The following OTUD7A variants were observed in gnomAD, a reference collection of about 807,000 sequenced individuals.
OTUD7A encodes the protein OTU deubiquitinase 7A.
OTUD7A carries 12 observed loss-of-function variants against 65.7 expected under a neutral mutation model. The ratio of observed to expected loss-of-function variants is 0.18; its 90% CI spans 0.12 to 0.30. OTUD7A has a LOEUF of 0.30. Ranked by LOEUF, OTUD7A falls within the 10% of genes least tolerant of loss-of-function variation. OTUD7A has a pLI of 1.00. For missense variants in OTUD7A, 1,148 were observed against 1,304.8 expected, an observed-to-expected ratio of 0.88 and a Z score of 1.85; for synonymous variants, 641 against 586.3, an observed-to-expected ratio of 1.09 and a Z score of -1.35.
At chr15:31,646,224 T>C (rs1891658953) in intron 3 of OTUD7A, among the ~76,000 whole-genome samples, 1 of 151,930 alleles carries the variant, frequency 6.6e-6, no homozygotes, top group Admixed American at 6.5e-5. Context: ...GGGAATGGCA[T>C]GGAATTCCTG....
intron 1 of OTUD7A, among the ~76,000 whole-genome samples, chr15:31,824,743 A>G (rs2140976395): frequency 6.6e-6 from 1 of 152,300 alleles, no homozygotes; most frequent in South Asian, 2.1e-4. Context: ...ACATACTTTC[A>G]CTGTAATTCA....
intron 3 of OTUD7A, among the ~76,000 whole-genome samples, chr15:31,633,265 C>T (rs1250727224): frequency 6.6e-6 from 1 of 152,114 alleles, no homozygotes; most frequent in Admixed American, 6.5e-5. Flanking sequence ...CATCTTGGCT[C>T]CACCCCCCTG....
chr15:31,741,416 G>A (rs960155543), intron 1 of OTUD7A, among the ~76,000 whole-genome samples: 2 of 147,164 alleles, frequency 1.4e-5, no homozygotes, highest in African/African-American at 2.7e-5. Flanking sequence ...TGCCATGTTG[G>A]TTTGCTGCAC....
chr15:31,850,844 C>T (rs909560222), intron 1 of OTUD7A, among the ~76,000 whole-genome samples: 1 of 152,120 alleles, frequency 6.6e-6, no homozygotes, highest in African/African-American at 2.4e-5. Flanking sequence ...ACCTCATTGG[C>T]CAGGCACATC....
At chr15:31,701,074 C>T (rs1312229097) in intron 1 of OTUD7A, among the ~76,000 whole-genome samples, 32 of 152,186 alleles carry the variant, frequency 2.1e-4, no homozygotes, top group Admixed American at 2.1e-3. Flanking sequence ...CAGTTCTCTT[C>T]AAAAGTATAA....
chr15:31,794,644 A>G (rs920650570), intron 1 of OTUD7A, among the ~76,000 whole-genome samples: 2 of 151,824 alleles, frequency 1.3e-5, no homozygotes, highest in Admixed American at 6.6e-5. Context: ...AAAAAAAAAA[A>G]AAATCCTAAC....
intron 1 of OTUD7A, among the ~76,000 whole-genome samples, chr15:31,841,660 C>G (rs1247249202): frequency 2.6e-5 from 4 of 152,204 alleles, no homozygotes; most frequent in Non-Finnish European, 5.9e-5. Flanking sequence ...AAGACCAGTA[C>G]TCCTCTCTCA....
At chr15:31,746,578 C>T (rs1047206007) in intron 1 of OTUD7A, among the ~76,000 whole-genome samples, 2 of 150,602 alleles carry the variant, frequency 1.3e-5, no homozygotes, top group Non-Finnish European at 2.9e-5. Flanking sequence ...CTCCCTGCAA[C>T]CTCCACCTCC....
At chr15:31,793,203 C>A (rs554857678) in intron 1 of OTUD7A, among the ~76,000 whole-genome samples, 1 of 152,194 alleles carries the variant, frequency 6.6e-6, no homozygotes, top group Non-Finnish European at 1.5e-5. Flanking sequence ...GCTCTTCCTG[C>A]CCCTGCCTGC....
At chr15:31,798,932 C>T (rs989271698) in intron 1 of OTUD7A, among the ~76,000 whole-genome samples, 2 of 152,200 alleles carry the variant, frequency 1.3e-5, no homozygotes, top group Non-Finnish European at 2.9e-5. Context: ...CTCTCAAGAT[C>T]ACCACTTTCA....
chr15:31,725,130 C>G (rs1025082456), intron 1 of OTUD7A, among the ~76,000 whole-genome samples: 1 of 152,172 alleles, frequency 6.6e-6, no homozygotes, highest in Non-Finnish European at 1.5e-5. Context: ...GCTGAGAAAG[C>G]TGCGAGCTTG....
intron 5 of OTUD7A, among the ~76,000 whole-genome samples, chr15:31,551,070 A>C (rs1313295482): frequency 6.6e-6 from 1 of 151,834 alleles, no homozygotes; most frequent in East Asian, 1.9e-4. Context: ...GGCAAGGCTT[A>C]GTGGTTTGAT....
intron 1 of OTUD7A, among the ~76,000 whole-genome samples, chr15:31,694,417 C>T (rs1237746552): frequency 1.3e-5 from 2 of 152,196 alleles, no homozygotes; most frequent in East Asian, 1.9e-4. Context: ...CCCCTTCCCC[C>T]GGGAAACCTT....
chr15:31,828,455 G>A (rs922657348), intron 1 of OTUD7A, among the ~76,000 whole-genome samples: 3 of 152,108 alleles, frequency 2.0e-5, no homozygotes, highest in African/African-American at 7.2e-5. Context: ...TTTCTTTGTG[G>A]TGGGAACACA....
At chr15:31,828,278 T>A (rs569724401) in intron 1 of OTUD7A, among the ~76,000 whole-genome samples, 1 of 152,198 alleles carries the variant, frequency 6.6e-6, no homozygotes, top group Non-Finnish European at 1.5e-5. Flanking sequence ...CATTTGCTTA[T>A]GTCTTTTTTT....
chr15:31,638,639 G>A (rs78824726), intron 3 of OTUD7A, among the ~76,000 whole-genome samples: 9 of 150,924 alleles, frequency 6.0e-5, no homozygotes, highest in African/African-American at 1.2e-4. Flanking sequence ...CAAGCTATCC[G>A]TCCTCCTTGG....
intron 3 of OTUD7A, among the ~76,000 whole-genome samples, chr15:31,586,860 C>T (rs1472309188): frequency 6.6e-6 from 1 of 151,992 alleles, no homozygotes; most frequent in African/African-American, 2.4e-5. Flanking sequence ...GCTGGGTCTC[C>T]CCTGCTGGGT....
intron 1 of OTUD7A, chr15:31,767,913 T>C (rs1895131858): frequency 6.6e-7 from 1 of 1,516,964 alleles, no homozygotes; most frequent in East Asian, 2.3e-5. Flanking sequence ...AGCTGGTTGT[T>C]ATCATCAACA....
intron 1 of OTUD7A, among the ~76,000 whole-genome samples, chr15:31,853,384 A>G (rs889045140): frequency 6.6e-6 from 1 of 152,238 alleles, no homozygotes. Context: ...AGAAAACTAG[A>G]AAGAGAAATA....
Sources: gnomAD v4.1 joint callset for allele counts (sites outside exome capture counted in the v4.1 genomes callset) on GRCh38, gnomAD v4.1.1 for gene constraint, MANE v1.5 for transcripts, NCBI Gene and HGNC (gene_info 2026-07-23, HGNC 2026-07-21) for gene names.